TTLL4: variants seen among roughly 807,000 people sequenced by gnomAD.
The protein encoded by TTLL4 is tubulin monoglutamylase TTLL4.
A neutral mutation model predicts 122.7 loss-of-function variants in TTLL4; 85 were observed. The ratio of observed to expected loss-of-function variants is 0.69; its 90% confidence interval spans 0.58 to 0.83. TTLL4 has a LOEUF of 0.83. TTLL4 is among the 40% of genes least tolerant of loss of function. The probability of loss-of-function intolerance (pLI) is 0.00; values close to 1 mark genes in which losing one functional copy is unlikely to be tolerated. For synonymous variants in TTLL4, 553 were observed against 563.0 expected, an observed-to-expected ratio of 0.98 and a Z score of 0.25; for missense variants, 1,363 against 1,488.6, an observed-to-expected ratio of 0.92 and a Z score of 1.39.
At chr2:218,712,198 A>T (rs963176974) in intron 1 of TTLL4, among the ~76,000 whole-genome samples, 3 of 152,194 alleles carry the variant, frequency 2.0e-5, no homozygotes, top group African/African-American at 7.2e-5. Flanking sequence ...GCCATCCAGT[A>T]ACAAATAGAA....
intron 2 of TTLL4, among the ~76,000 whole-genome samples, chr2:218,734,216 G>GT (rs968198014): frequency 8.5e-4 from 129 of 152,030 alleles, no homozygotes; most frequent in African/African-American, 2.9e-3. Context: ...TGAATGTAAG[G>GT]TTTTTTTTAG....
Position 218,747,440 on chromosome 2 carries a change from A to G in TTLL4, c.2249+68A>G. On this transcript the variant is annotated intron_variant, in intron 10 of 19. Coordinates refer to ENST00000392102, the MANE Select transcript of TTLL4 (RefSeq NM_014640.5). The surrounding 1 kb of genome is among the most constrained non-coding windows in gnomAD (Gnocchi z 4.7). ...CTTGGCCTCGAGGTTCCCTTCTTAC[A>G]ATGTTCTGCCCTTTGTTCTCCCAGC... 1.3e-6 allele frequency: 2 copies of G among 1,589,550 alleles called. No individual in the cohort carries two copies. The highest frequency in any genetic ancestry group is 1.7e-6 in the Non-Finnish European group (2 of 1,164,614).
intron 2 of TTLL4, chr2:218,728,055 A>T (rs961713146): frequency 7.0e-6 from 1 of 143,094 alleles, no homozygotes; most frequent in African/African-American, 2.6e-5. Context: ...ACTAGATGGC[A>T]TCTTGGCCCC....
intron 16 of TTLL4, 56 bp from the exon 17 acceptor site, chr2:218,752,707 C>G (rs2106464043): frequency 6.3e-7 from 1 of 1,591,484 alleles, no homozygotes; most frequent in South Asian, 1.1e-5. Context: ...TCTTGAGTCT[C>G]TGCCCCTGGC....
intron 1 of TTLL4, among the ~76,000 whole-genome samples, chr2:218,714,291 G>A (rs1183068996): frequency 6.6e-6 from 1 of 152,196 alleles, no homozygotes; most frequent in Non-Finnish European, 1.5e-5. Flanking sequence ...TGTGTGAATA[G>A]GAAGTTGTCA....
At chr2:218,711,546 T>C (rs942127156) in intron 1 of TTLL4, among the ~76,000 whole-genome samples, 4 of 152,246 alleles carry the variant, frequency 2.6e-5, no homozygotes, top group African/African-American at 9.6e-5. Context: ...TCAATTCCTT[T>C]ATTTAATCAT....
At chr2:218,715,401 A>G (rs1312011383) in intron 1 of TTLL4, among the ~76,000 whole-genome samples, 1 of 152,184 alleles carries the variant, frequency 6.6e-6, no homozygotes, top group Non-Finnish European at 1.5e-5. Context: ...GTTATGTTAA[A>G]ATCCATGGAT....
chr2:218,715,670 G>A (rs569969809), intron 1 of TTLL4, among the ~76,000 whole-genome samples: 8 of 151,630 alleles, frequency 5.3e-5, no homozygotes, highest in African/African-American at 9.7e-5. Context: ...TCAATCTGTC[G>A]CTAGGCTGGA....
intron 1 of TTLL4, among the ~76,000 whole-genome samples, chr2:218,720,139 T>C (rs1479115002): frequency 1.3e-5 from 2 of 151,852 alleles, no homozygotes; most frequent in African/African-American, 4.8e-5. Flanking sequence ...ATTGAAGTGG[T>C]TGGACATGCA....
chr2:218,720,054 A>C (rs1941987374), intron 1 of TTLL4, among the ~76,000 whole-genome samples: 1 of 152,168 alleles, frequency 6.6e-6, no homozygotes, highest in African/African-American at 2.4e-5. Flanking sequence ...TTTTCCTCTT[A>C]GGTGATTTGG....
intron 15 of TTLL4, among the ~76,000 whole-genome samples, chr2:218,750,417 G>A (rs1294331069): frequency 1.3e-5 from 2 of 152,126 alleles, no homozygotes; most frequent in East Asian, 3.8e-4. Flanking sequence ...CAGCTACTTG[G>A]GAGACTGAAG....
At chr2:218,746,757 C>T in intron 8 of TTLL4, 5 of 531,330 alleles carry the variant, frequency 9.4e-6, no homozygotes, top group East Asian at 3.2e-5. Flanking sequence ...GATGTAATAG[C>T]TTTTTCTTTG....
intron 15 of TTLL4, among the ~76,000 whole-genome samples, 181 bp downstream of exon 15, chr2:218,750,327 T>C (rs1942982735): frequency 1.3e-5 from 2 of 152,210 alleles, no homozygotes; most frequent in Admixed American, 6.5e-5. Flanking sequence ...TGTTCAGTTA[T>C]GTTGATCCCC....
Position 218,752,829 on chromosome 2 carries a change from G to A in TTLL4, c.3043G>A (p.Asp1015Asn). 3 of 1,614,176 alleles carry A rather than the reference G, an allele frequency of 1.9e-6. No individual in the cohort carries two copies. The highest frequency in any genetic ancestry group is 8.5e-7 in the Non-Finnish European group (1 of 1,180,028). Residue 1015 changes from aspartate to asparagine, a missense_variant, in exon 17 of 20, where the codon GAT becomes AAT. Around this residue, in one of 3 missense-constraint regions of TTLL4, gnomAD observed 596 missense variants for 655.8 expected, o/e 0.91. Transcript: ENST00000392102. ...DDVRILVEME[D>N]EFSRRGQFER... ...TGTTCGGATTCTGGTTGAGATGGAA[G>A]ATGAGTTTTCTCGCCGTGGTCAGTT...
chr2:218,745,604 G>C (rs748296316), intron 6 of TTLL4, 87 bp from the exon 7 acceptor site: 5 of 912,440 alleles, frequency 5.5e-6, no homozygotes, highest in Non-Finnish European at 8.7e-6. Flanking sequence ...GGGAAGAATG[G>C]GCAGCCATGC....
At chr2:218,718,931 G>T (rs1317564498) in intron 1 of TTLL4, among the ~76,000 whole-genome samples, 2 of 152,130 alleles carry the variant, frequency 1.3e-5, no homozygotes, top group Non-Finnish European at 2.9e-5. Context: ...GTTGGAGACT[G>T]GGCTGAGGCA....
Position 218,747,890 on chromosome 2 carries a change from G to C in TTLL4, c.2378+165G>C. The C allele has an allele frequency of 8.4e-7, 1 of 1,188,960 alleles. No homozygotes were observed. Among genetic ancestry groups the C allele is most frequent in the East Asian group, 2.4e-5 (1 of 41,252 alleles). 73.7% of individuals were successfully genotyped at this position (1,188,960 alleles called of 1,614,324 possible). ...CTCTACTTCGTTAAATCTGGGGAGGGTCTTCCTGCATGCGGGACTGAGGTG... is the reference window on the plus strand; with the variant it reads ...CTCTACTTCGTTAAATCTGGGGAGGCTCTTCCTGCATGCGGGACTGAGGTG... On this transcript the variant is annotated intron_variant, in intron 11 of 19. Transcript: ENST00000392102. This position sits in a 1 kb window ranked among gnomAD's most constrained non-coding sequence, Gnocchi z 4.7.
intron 13 of TTLL4, 140 bp from the exon 14 acceptor site, chr2:218,749,113 G>C: frequency 7.6e-7 from 1 of 1,321,578 alleles, no homozygotes; most frequent in Non-Finnish European, 1.0e-6. Context: ...GCTGGTCCCA[G>C]ATCAGAGGTG....
At chr2:218,724,472 A>G (rs1273310058) in intron 1 of TTLL4, among the ~76,000 whole-genome samples, 1 of 152,142 alleles carries the variant, frequency 6.6e-6, no homozygotes, top group South Asian at 2.1e-4. Flanking sequence ...TCTGTTCTCT[A>G]TATTCTGAAA....
Sources: gnomAD v4.1 joint callset for allele counts (sites outside exome capture counted in the v4.1 genomes callset) on GRCh38, gnomAD v4.1.1 for gene constraint, gnomAD v4.1.1 regional missense constraint, Gnocchi (gnomAD v3.1) non-coding constraint, MANE v1.5 for transcripts, NCBI Gene and HGNC (gene_info 2026-07-23, HGNC 2026-07-21) for gene names.